BRI3: variants seen among roughly 807,000 people sequenced by gnomAD.
The protein encoded by BRI3 is membrane protein BRI3.
A neutral mutation model predicts 12.8 loss-of-function variants in BRI3; 6 were observed. The ratio of observed to expected loss-of-function variants is 0.47; its 90% CI spans 0.26 to 0.93. The LOEUF (loss-of-function observed/expected upper bound fraction) is 0.93. Among genes scored for constraint, BRI3 ranks in the 40% least tolerant of loss-of-function variants. The pLI is 0.15. For missense variants in BRI3, 134 were observed against 171.1 expected (o/e 0.78, Z 1.21); for synonymous variants, 91 against 76.1 (o/e 1.20, Z -1.02).
chr7:98,317,265 C>T, the BRI3 span: 3 of 1,614,196 alleles, frequency 1.9e-6, no homozygotes, highest in Non-Finnish European at 2.5e-6. Context: ...GCTTCCTTGG[C>T]TTTTCCTTCT....
At chr7:98,290,447 G>A (rs1396141121) in intron 2 of BRI3, among the ~76,000 whole-genome samples, 2 of 148,886 alleles carry the variant, frequency 1.3e-5, no homozygotes, top group East Asian at 2.0e-4. Context: ...CACCCGCCTC[G>A]GCCTCCCAAA....
At chr7:98,306,433 G>A (rs1800659358), upstream of BRI3, 3 of 1,614,132 alleles carry the variant, frequency 1.9e-6, no homozygotes, top group Middle Eastern at 1.6e-4. Context: ...CCACGTTCAG[G>A]GCTACCTTGG....
At chr7:98,293,511 G>A, downstream of BRI3, 1 of 1,611,496 alleles carries the variant, frequency 6.2e-7, no homozygotes, top group Non-Finnish European at 8.5e-7. Flanking sequence ...GAGAGTCCTT[G>A]GCTGTCCTCT....
At chr7:98,315,375 C>T (rs546496565), downstream of BRI3, 22 of 1,243,492 alleles carry the variant, frequency 1.8e-5, no homozygotes, top group South Asian at 3.1e-5. Context: ...GGATTACAGG[C>T]GTGGGCCACG....
chr7:98,315,666 CAGAT>C, the BRI3 span: 2 of 940,292 alleles, frequency 2.1e-6, no homozygotes, highest in Admixed American at 8.6e-5. Flanking sequence ...ACATGAGCAT[CAGAT>C]AGCGTGCAGC....
downstream of BRI3, chr7:98,292,254 C>T (rs193090702): frequency 6.9e-5 from 18 of 261,856 alleles, no homozygotes; most frequent in African/African-American, 1.1e-4. Context: ...GCAACACACA[C>T]GGTGAGCGGC....
chr7:98,316,093 C>T, the BRI3 span, among the ~76,000 whole-genome samples: 31 of 152,260 alleles, frequency 2.0e-4, no homozygotes, highest in South Asian at 3.3e-3. Flanking sequence ...CTTTCCCATG[C>T]CATTCTTGTG....
chr7:98,320,369 T>C, the BRI3 span: 2 of 1,234,814 alleles, frequency 1.6e-6, no homozygotes, highest in South Asian at 1.4e-5. Flanking sequence ...GAGTTTTTGC[T>C]CTGTCGCCCA....
chr7:98,304,163 G>A (rs764471090), upstream of BRI3: 2 of 1,529,904 alleles, frequency 1.3e-6, no homozygotes, highest in African/African-American at 2.8e-5. Flanking sequence ...GGCGAGTCCA[G>A]GACCCAGGAC....
At position 98,306,614 on chromosome 7, in the gene BRI3, C is replaced by T. The variant is rs1008074554; in HGVS notation, n.93C>T. ...TGAGAGCTCAGGGCAGACAGGTCCA[C>T]TGCTCCAGAAACGCCCATGTGTGGA... On this transcript the variant is annotated non_coding_transcript_exon_variant, in exon 1 of 2. Coordinates refer to the BRI3 transcript ENST00000485422. 3.8e-6 allele frequency: 6 copies of T among 1,562,076 alleles called. No individual in the cohort carries two copies. The African/African-American group carries it at 6.8e-5, about 18-fold the overall frequency.
At chr7:98,314,199 TCTCAAA>T (rs1800988781), downstream of BRI3, among the ~76,000 whole-genome samples, 1 of 151,986 alleles carries the variant, frequency 6.6e-6, no homozygotes, top group South Asian at 2.1e-4. Flanking sequence ...GCCAGGCTGG[TCTCAAA>T]CTCCTGACCT....
At chr7:98,318,570 C>A in the BRI3 span, among the ~76,000 whole-genome samples, 1 of 152,046 alleles carries the variant, frequency 6.6e-6, no homozygotes, top group East Asian at 2.0e-4. Flanking sequence ...TGAGCCACCA[C>A]GCCCAGTGAA....
Position 98,291,463 on chromosome 7 carries a change from T to C in BRI3, c.*220T>C. On this transcript the variant is annotated 3_prime_UTR_variant, in exon 3 of 3. Transcript: ENST00000297290. ...TCAATAAAGCACTGCTTTTATTTTT[T>C]GCAGTCTTCAATTTGAGAAAGGTGA... 8 of 1,368,734 alleles carry C rather than the reference T, an allele frequency of 5.8e-6. No homozygotes were observed. Among genetic ancestry groups the C allele is most frequent in the Non-Finnish European group, 7.5e-6 (8 of 1,062,136 alleles). 84.8% of individuals were successfully genotyped at this position (1,368,734 alleles called of 1,614,324 possible).
At chr7:98,301,612 C>T (rs552243023), upstream of BRI3, among the ~76,000 whole-genome samples, 4 of 152,126 alleles carry the variant, frequency 2.6e-5, no homozygotes, top group South Asian at 2.1e-4. Context: ...CCACCGTGCC[C>T]GGCCAAGCCT....
At chr7:98,320,400 A>C in the BRI3 span, 1 of 858,124 alleles carries the variant, frequency 1.2e-6, no homozygotes, top group Non-Finnish European at 1.8e-6. Flanking sequence ...CAAAGGCACG[A>C]TCTTGGCCCG....
chr7:98,292,636 C>T (rs529246073), downstream of BRI3: 6 of 1,551,666 alleles, frequency 3.9e-6, no homozygotes, highest in Admixed American at 5.9e-5. Flanking sequence ...CGCCCTTCTC[C>T]AGGCACCAGA....
At chr7:98,312,081 G>C, downstream of BRI3, 2 of 1,576,310 alleles carry the variant, frequency 1.3e-6, no homozygotes, top group East Asian at 4.5e-5. Context: ...ATCTGGAAGA[G>C]AAAACTGGCT....
At chr7:98,299,883 A>AT (rs1285649687) in intron 1 of BRI3, among the ~76,000 whole-genome samples, 1 of 152,070 alleles carries the variant, frequency 6.6e-6, no homozygotes, top group African/African-American at 2.4e-5. Flanking sequence ...TCTACTAAAA[A>AT]TACAAAAATT....
intron 1 of BRI3, among the ~76,000 whole-genome samples, chr7:98,299,400 C>T (rs942462134): frequency 6.6e-6 from 1 of 152,136 alleles, no homozygotes; most frequent in South Asian, 2.1e-4. Context: ...TCAAATGATC[C>T]TCCCGCCTCG....
Sources: gnomAD v4.1 joint callset for allele counts (sites outside exome capture counted in the v4.1 genomes callset) on GRCh38, gnomAD v4.1.1 for gene constraint, MANE v1.5 for transcripts, NCBI Gene and HGNC (gene_info 2026-07-23, HGNC 2026-07-21) for gene names.